Variants in PITPNC1 observed in about 807,000 individuals in gnomAD.
The protein encoded by PITPNC1 is phosphatidylinositol transfer protein cytoplasmic 1.
Under a neutral mutation model 44.7 loss-of-function variants are expected in PITPNC1, and 18 were observed. The ratio of observed to expected loss-of-function variants is 0.40; its 90% CI spans 0.28 to 0.60. The LOEUF (loss-of-function observed/expected upper bound fraction) is 0.60, where lower values mean the gene tolerates loss of function less well. PITPNC1 is among the 20% of genes least tolerant of loss of function. The pLI is 0.39. For missense variants in PITPNC1, 290 were observed against 418.4 expected (o/e 0.69, Z 2.68); for synonymous variants, 141 against 149.6 (o/e 0.94, Z 0.42).
chr17:67,388,774 C>G (rs2038092412), intron 1 of PITPNC1, among the ~76,000 whole-genome samples: 1 of 152,118 alleles, frequency 6.6e-6, no homozygotes. Flanking sequence ...ACTAGCACCA[C>G]CACACCTGGC....
rs1319731567 is a variant in PITPNC1, at chr17:67,404,800, G to A, written c.48+26598G>A. ...TGGGGAAGCTGGTTTATGGCTTTCT[G>A]GAGCTGGTGGCCAGGCATGGTGTAG... is the stretch of plus-strand genomic sequence containing the variant. On this transcript the variant is annotated intron_variant, in intron 1 of 8. Transcript: ENST00000581322. Among the ~76,000 whole-genome samples, 3 of 152,320 alleles carry A rather than the reference G, an allele frequency of 2.0e-5. No homozygotes were observed. The East Asian group carries it at 5.8e-4, about 29-fold the overall frequency.
chr17:67,694,384 A>AT lies in PITPNC1; in HGVS notation c.*1497dup, dbSNP rs1053777497. Reference sequence around the variant, plus strand: ...GGAAAGGGACCTTCCCAAAACACAGATCCCAAAGGAAACAAAATAGACCAA... The same window carrying AT: ...GGAAAGGGACCTTCCCAAAACACAGATTCCCAAAGGAAACAAAATAGACCAA... On this transcript the variant is annotated 3_prime_UTR_variant, in exon 9 of 9. Coordinates refer to ENST00000581322, the MANE Select transcript of PITPNC1 (RefSeq NM_012417.4). 6.6e-6 allele frequency: 1 copy of AT among 152,240 alleles called. No homozygotes were observed. Among genetic ancestry groups the AT allele is most frequent in the African/African-American group, 2.4e-5 (1 of 41,460 alleles). The allele number at this position is 152,240 out of a possible 1,614,324, so 9.4% of individuals were successfully genotyped here.
chr17:67,665,160 A>G (rs894005479), intron 6 of PITPNC1, among the ~76,000 whole-genome samples: 26 of 152,054 alleles, frequency 1.7e-4, no homozygotes, highest in African/African-American at 6.0e-4. Flanking sequence ...TGGCATGTTT[A>G]CAGCTTAATG....
chr17:67,643,866 T>C (rs982996367), intron 6 of PITPNC1, among the ~76,000 whole-genome samples: 1 of 152,208 alleles, frequency 6.6e-6, no homozygotes, highest in Non-Finnish European at 1.5e-5. Flanking sequence ...GTTGCAGGAA[T>C]GGTGGCTCCG....
chr17:67,622,127 G>A (rs2041837631), intron 5 of PITPNC1, among the ~76,000 whole-genome samples: 2 of 151,924 alleles, frequency 1.3e-5, no homozygotes, highest in Admixed American at 6.6e-5. Context: ...CGCGGTGGTG[G>A]GCGCCTGTAG....
intron 1 of PITPNC1, among the ~76,000 whole-genome samples, chr17:67,470,588 G>GC (rs1049704059): frequency 6.6e-6 from 1 of 151,840 alleles, no homozygotes; most frequent in Admixed American, 6.6e-5. Flanking sequence ...GGGGGGGTCA[G>GC]CCCCCCTGCC....
Position 67,504,125 on chromosome 17 carries a change from C to T in PITPNC1, c.49-28677C>T, listed in dbSNP as rs569219950. ...GTCAGAGAGACCCTGAGGCTTCTGC[C>T]TCACTTCAGCATGTCAAAGCACCCT... On this transcript the variant is annotated intron_variant, in intron 1 of 8. Transcript: ENST00000581322. Among the ~76,000 whole-genome samples the T allele has an allele frequency of 2.6e-5, 4 of 152,212 alleles. No individual in the cohort carries two copies. The South Asian group carries it at 6.2e-4, about 24-fold the overall frequency.
chr17:67,683,970 T>C lies in PITPNC1; in HGVS notation c.682+8428T>C, dbSNP rs887519590. Among the ~76,000 whole-genome samples, 200 of 142,662 alleles carry C rather than the reference T, an allele frequency of 1.4e-3. 1 individual carries two copies. Among genetic ancestry groups the C allele is most frequent in the African/African-American group, 5.0e-3 (192 of 38,172 alleles). 93.6% of individuals were successfully genotyped at this position (142,662 alleles called of 152,430 possible). On this transcript the variant is annotated intron_variant, in intron 8 of 8. Coordinates refer to ENST00000581322, the MANE Select transcript of PITPNC1 (RefSeq NM_012417.4). ...TTCAGCCTGGGTGACAGAGTTAGAC[T>C]CTGTCTCAAAAAAAAAAAAAAAAGA... is the stretch of plus-strand genomic sequence containing the variant.
intron 5 of PITPNC1, among the ~76,000 whole-genome samples, chr17:67,599,054 T>A (rs1393473524): frequency 2.0e-5 from 2 of 102,374 alleles, no homozygotes; most frequent in Non-Finnish European, 4.4e-5. Context: ...TTTTTTTTTT[T>A]ACCATGTTGG....
At chr17:67,459,352 G>C (rs2039303449) in intron 1 of PITPNC1, among the ~76,000 whole-genome samples, 1 of 152,096 alleles carries the variant, frequency 6.6e-6, no homozygotes, top group South Asian at 2.1e-4. Context: ...CCTGACCTCA[G>C]GTGATCCGCC....
intron 1 of PITPNC1, among the ~76,000 whole-genome samples, chr17:67,430,457 G>C (rs11079692): frequency 0.77 from 116,884 of 151,626 alleles, 45,244 homozygotes; most frequent in Middle Eastern, 0.83. Context: ...CACTGCACTC[G>C]AGCCTCTGTG....
At position 67,467,043 on chromosome 17, in the gene PITPNC1, C is replaced by T. The variant is rs118029162; in HGVS notation, c.49-65759C>T. On this transcript the variant is annotated intron_variant, in intron 1 of 8. Coordinates refer to ENST00000581322, the MANE Select transcript of PITPNC1 (RefSeq NM_012417.4). ...CAATTTAGCTGAAAAGGGACCTGAG[C>T]CAGTTAGGAGATTTTTTTTTTTTTT... Among the ~76,000 whole-genome samples, 1,320 of 150,088 alleles carry T rather than the reference C, an allele frequency of 8.8e-3. 10 individuals carry two copies. Among genetic ancestry groups the T allele is most frequent in the Non-Finnish European group, 0.013 (859 of 67,786 alleles).
At chr17:67,641,738 T>C (rs1188302814) in intron 6 of PITPNC1, among the ~76,000 whole-genome samples, 1 of 151,458 alleles carries the variant, frequency 6.6e-6, no homozygotes, top group African/African-American at 2.4e-5. Flanking sequence ...CGGAGGCTGC[T>C]GCAGTGAGCT....
intron 1 of PITPNC1, among the ~76,000 whole-genome samples, chr17:67,487,039 A>AC (rs2039788652): frequency 6.6e-6 from 1 of 152,190 alleles, no homozygotes; most frequent in South Asian, 2.1e-4. Context: ...TCTAAAAAAA[A>AC]AAGAGTACTG....
At chr17:67,567,781 T>C (rs896724455) in intron 4 of PITPNC1, among the ~76,000 whole-genome samples, 2 of 152,126 alleles carry the variant, frequency 1.3e-5, no homozygotes, top group Non-Finnish European at 2.9e-5. Flanking sequence ...GAGACCAGCC[T>C]GGCCAACATG....
At chr17:67,475,121 CA>C (rs2039607475) in intron 1 of PITPNC1, among the ~76,000 whole-genome samples, 1 of 152,182 alleles carries the variant, frequency 6.6e-6, no homozygotes, top group African/African-American at 2.4e-5. Context: ...CAGCACACAG[CA>C]CAGATGAATG....
At chr17:67,425,003 C>G (rs2038725151) in intron 1 of PITPNC1, among the ~76,000 whole-genome samples, 2 of 151,920 alleles carry the variant, frequency 1.3e-5, no homozygotes, top group Admixed American at 6.6e-5. Flanking sequence ...TAAGAAGTTT[C>G]TTTATAATTC....
chr17:67,435,108 CA>C (rs555005702), intron 1 of PITPNC1, among the ~76,000 whole-genome samples: 3,128 of 76,680 alleles, frequency 0.041, 24 homozygotes, highest in Admixed American at 0.046. Flanking sequence ...GACTCCATCT[CA>C]AAAAAAAAAA....
In PITPNC1 at chr17:67,532,843, T is replaced by C. The variant is rs1288519843; in HGVS notation, c.90T>C (p.His30=). Residue 30 remains histidine (H), a synonymous_variant, in exon 2 of 9, where the codon CAT becomes CAC. Transcript: ENST00000581322. ...TGTACATGATCAGCAAACACAGCCATGAACAGAGTGACCGGGGAGAAGGGG... is the reference window on the plus strand; with the variant it reads ...TGTACATGATCAGCAAACACAGCCACGAACAGAGTGACCGGGGAGAAGGGG... ...GQLYMISKHS[H]EQSDRGEGVE... is the part of the protein sequence containing the mutation. 4.4e-6 allele frequency: 7 copies of C among 1,586,020 alleles called. No individual in the cohort carries two copies. The highest frequency in any genetic ancestry group is 2.3e-5 in the East Asian group (1 of 43,590).
Sources: gnomAD v4.1 joint callset for allele counts (sites outside exome capture counted in the v4.1 genomes callset) on GRCh38, gnomAD v4.1.1 for gene constraint, MANE v1.5 for transcripts, NCBI Gene and HGNC (gene_info 2026-07-23, HGNC 2026-07-21) for gene names.